UNC93B1: variants seen among roughly 807,000 people sequenced by gnomAD.
The protein encoded by UNC93B1 is unc-93B1 regulator of TLR signaling, also known as protein unc-93 homolog B1.
Under a neutral mutation model 56.8 loss-of-function variants are expected in UNC93B1, and 33 were observed. That is an observed-to-expected ratio of 0.58 (90% confidence interval 0.44 to 0.78). The LOEUF is 0.78. UNC93B1 is among the 30% of genes least tolerant of loss of function. The probability of loss-of-function intolerance (pLI) is 0.00; values close to 1 mark genes in which losing one functional copy is unlikely to be tolerated. For synonymous variants in UNC93B1, 334 were observed against 358.6 expected (o/e 0.93, Z 0.77); for missense variants, 673 against 819.5 (o/e 0.82, Z 2.18).
At chr11:67,996,528 C>A (rs1430283394) in intron 8 of UNC93B1, 74 bp downstream of exon 8, 1 of 1,455,984 alleles carries the variant, frequency 6.9e-7, no homozygotes, top group Non-Finnish European at 9.1e-7. Flanking sequence ...AAAAATTATT[C>A]TTTGTTTACT....
rs1856931949 is a variant in UNC93B1 at position 67,995,712 on chromosome 11, A to G, written c.1262T>C (p.Phe421Ser). The change falls in exon 9 of 11, where the codon TTC becomes TCC. Residue 421 changes from phenylalanine (F) to serine (S), a missense_variant. Physicochemically the swap from Phe to Ser is radical, Grantham distance 155. Coordinates refer to ENST00000227471, the MANE Select transcript of UNC93B1 (RefSeq NM_030930.4). ...CAGGACCCGAGGCACAGGGGCCCAG[A>G]AAAAGAGGATGAAGGTGAGCAGCAG... ...VHLLLTFILF[F>S]WAPVPRVLQH... The G allele has an allele frequency of 1.9e-6, 3 of 1,548,348 alleles. No individual in the cohort carries two copies. Among genetic ancestry groups the G allele is most frequent in the African/African-American group, 1.4e-5 (1 of 72,832 alleles).
At chr11:67,998,756 G>A (rs910337897) in intron 5 of UNC93B1, among the ~76,000 whole-genome samples, 2 of 152,114 alleles carry the variant, frequency 1.3e-5, no homozygotes, top group Non-Finnish European at 2.9e-5. Context: ...AATTAGCTGG[G>A]TGTGGTAGCA....
At chr11:68,002,309 G>C (rs1360026869) in intron 3 of UNC93B1, among the ~76,000 whole-genome samples, 1 of 152,130 alleles carries the variant, frequency 6.6e-6, no homozygotes, top group Non-Finnish European at 1.5e-5. Context: ...CGATTTCCTG[G>C]AGGGCTTAGA....
rs3751086 is a variant in UNC93B1 at position 67,998,172 on chromosome 11, C to T, written c.781+187G>A. On this transcript the variant is annotated intron_variant, in intron 6 of 10. Transcript: ENST00000227471. ...GGTGCCTTCTCCAGGCAGTCTTCCC[C>T]GCCCACCCACTCTCCTGGCTGGGTC... Among the ~76,000 whole-genome samples the T allele has an allele frequency of 7.0e-4, 107 of 152,336 alleles. 3 individuals are homozygous for T. In the East Asian group the frequency reaches 0.019, roughly 26 times the overall value.
chr11:68,002,166 C>G (rs1857054651), intron 3 of UNC93B1, among the ~76,000 whole-genome samples: 1 of 141,136 alleles, frequency 7.1e-6, no homozygotes, highest in Admixed American at 7.4e-5. Flanking sequence ...CAAGCAAAAG[C>G]AAACATAGCC....
intron 8 of UNC93B1, 185 bp from the exon 9 acceptor site, chr11:67,996,069 T>A: frequency 2.8e-6 from 1 of 359,622 alleles, no homozygotes; most frequent in Non-Finnish European, 4.9e-6. Flanking sequence ...ATGGGGGTCC[T>A]AAGAGTCGGG....
Position 67,991,333 on chromosome 11 carries a change from G to A in UNC93B1, c.*213C>T, listed in dbSNP as rs1856835848. The A allele has an allele frequency of 1.3e-5, 6 of 467,692 alleles. No individual in the cohort carries two copies. In the South Asian group the frequency reaches 2.6e-4, roughly 20 times the overall value. 29.0% of individuals were successfully genotyped at this position (467,692 alleles called of 1,614,324 possible). A position where few individuals can be genotyped will look rare whatever the true frequency, so the allele number is the denominator to read the frequency against. ...GCTGTATTTTCGAACCCCTGTGCTT[G>A]GCCGAGGGGTTCCCAAGGCTCCACT... On this transcript the variant is annotated 3_prime_UTR_variant, in exon 11 of 11. Transcript: ENST00000227471.
intron 7 of UNC93B1, 129 bp from the exon 8 acceptor site, chr11:67,996,913 C>T: frequency 8.4e-7 from 1 of 1,191,278 alleles, no homozygotes; most frequent in Non-Finnish European, 1.1e-6. Flanking sequence ...CAAACCAGGG[C>T]CCCGCCCCTG....
At chr11:67,999,042 T>C in intron 5 of UNC93B1, 131 bp downstream of exon 5, 2 of 1,406,408 alleles carry the variant, frequency 1.4e-6, no homozygotes, top group Non-Finnish European at 9.5e-7. Context: ...CTGGGCAACA[T>C]AGTGAGACCA....
chr11:67,996,161 G>A (rs1223211782), intron 8 of UNC93B1, among the ~76,000 whole-genome samples: 2 of 151,334 alleles, frequency 1.3e-5, no homozygotes, highest in African/African-American at 4.8e-5. Context: ...AAGAGCCAGG[G>A]TGGGGAGAGG....
Position 68,004,008 on chromosome 11 carries a change from C to A in UNC93B1, c.36G>T (p.Gly12=). The A allele has an allele frequency of 7.1e-7, 1 of 1,403,906 alleles. No homozygotes were observed. The highest frequency in any genetic ancestry group is 9.3e-7 in the Non-Finnish European group (1 of 1,076,044). 87.0% of individuals were successfully genotyped at this position (1,403,906 alleles called of 1,614,324 possible). A position where few individuals can be genotyped will look rare whatever the true frequency, so the allele number is the denominator to read the frequency against. The change falls in exon 1 of 11, where the codon GGG becomes GGT. Residue 12 remains glycine, a synonymous_variant. Transcript: ENST00000227471. The part of the protein sequence containing the change: ...EAEPPLYPMA[G]AAGPQGDEDL... Reference sequence around the variant, plus strand: ...CCTCGTCGCCCTGCGGCCCCGCAGCCCCCGCCATCGGGTAGAGCGGCGGCT... The same window carrying A: ...CCTCGTCGCCCTGCGGCCCCGCAGCACCCGCCATCGGGTAGAGCGGCGGCT...
intron 10 of UNC93B1, among the ~76,000 whole-genome samples, chr11:67,993,201 C>G (rs1264336397): frequency 6.6e-6 from 1 of 152,160 alleles, no homozygotes; most frequent in Non-Finnish European, 1.5e-5. Context: ...GTCGGTCAGG[C>G]TGGTCTCAAA....
At chr11:67,999,801 G>A in intron 3 of UNC93B1, 121 bp from the exon 4 acceptor site, 2 of 1,332,188 alleles carry the variant, frequency 1.5e-6, no homozygotes, top group Admixed American at 5.0e-5. Context: ...AGAGAGTCGA[G>A]GGCACTGAGA....
chr11:68,003,647 C>T lies in UNC93B1; in HGVS notation c.238+10G>A. ...GGCGGGGCGGCCCCGGGTCCCCGAGCGGCACCTACCCAGGTAGACGCCGTA... is the reference window on the plus strand; with the variant it reads ...GGCGGGGCGGCCCCGGGTCCCCGAGTGGCACCTACCCAGGTAGACGCCGTA... On this transcript the variant is annotated intron_variant, in intron 2 of 10. Coordinates refer to ENST00000227471, the MANE Select transcript of UNC93B1 (RefSeq NM_030930.4). This position sits in a 1 kb window ranked among gnomAD's most constrained non-coding sequence, Gnocchi z 4.4. 1 of 1,515,630 alleles carries T rather than the reference C, an allele frequency of 6.6e-7. No homozygotes were observed. The highest frequency in any genetic ancestry group is 2.6e-5 in the East Asian group (1 of 38,102). The allele number at this position is 1,515,630 out of a possible 1,614,324, so 93.9% of individuals were successfully genotyped here. A position where few individuals can be genotyped will look rare whatever the true frequency, so the allele number is the denominator to read the frequency against.
chr11:67,998,214 TACTC>T (rs1856982311), intron 6 of UNC93B1, 141 bp downstream of exon 6: 1 of 909,308 alleles, frequency 1.1e-6, no homozygotes, highest in East Asian at 2.5e-5. Flanking sequence ...CCTAACTACT[TACTC>T]CTACAGGGCC....
chr11:67,996,498 A>C, intron 8 of UNC93B1, 104 bp downstream of exon 8: 1 of 1,404,804 alleles, frequency 7.1e-7, no homozygotes. Flanking sequence ...ATATACATGT[A>C]CACACTTACA....
intron 3 of UNC93B1, among the ~76,000 whole-genome samples, chr11:68,000,467 C>G (rs1380583234): frequency 1.3e-5 from 2 of 152,050 alleles, no homozygotes; most frequent in African/African-American, 4.8e-5. Context: ...AAGTTTGAGA[C>G]CAGCCTGGCC....
chr11:68,002,185 TACACACACACACACACACAC>T (rs60629377), intron 3 of UNC93B1, among the ~76,000 whole-genome samples: 2 of 140,780 alleles, frequency 1.4e-5, no homozygotes, highest in Middle Eastern at 3.6e-3. Flanking sequence ...CCCGCTTGCA[TACACACACACACACACACAC>T]ACACACACAC....
In UNC93B1 at chr11:68,003,715, C is replaced by T. The variant is rs1185907791; in HGVS notation, c.180G>A (p.Val60=). 1 of 1,529,396 alleles carries T rather than the reference C, an allele frequency of 6.5e-7. No individual in the cohort carries two copies. Among genetic ancestry groups the T allele is most frequent in the South Asian group, 1.2e-5 (1 of 82,702 alleles). 94.7% of individuals were successfully genotyped at this position (1,529,396 alleles called of 1,614,324 possible). The part of the protein sequence containing the change: ...RRYYRRKRLG[V]LKNVLAASAG... ...CGCTGGCAGCCAGCACGTTCTTGAG[C>T]ACGCCCAGGCGCTTGCGGCGGTAGT... The change falls in exon 2 of 11, where the codon GTG becomes GTA. Residue 60 remains valine, a synonymous_variant. Coordinates refer to ENST00000227471, the MANE Select transcript of UNC93B1 (RefSeq NM_030930.4). This position sits in a 1 kb window ranked among gnomAD's most constrained non-coding sequence, Gnocchi z 4.4.
Sources: allele counts gnomAD v4.1 joint callset (sites outside exome capture counted in the v4.1 genomes callset), GRCh38; gene constraint gnomAD v4.1.1; non-coding constraint Gnocchi (gnomAD v3.1); transcripts MANE v1.5; gene names NCBI Gene and HGNC (gene_info 2026-07-23, HGNC 2026-07-21).